The following IFT57 variants were observed in gnomAD, a reference collection of about 807,000 sequenced individuals.
The protein encoded by IFT57 is intraflagellar transport 57.
A neutral mutation model predicts 56.8 loss-of-function variants in IFT57; 59 were observed. The observed-to-expected ratio is 1.04, with a 90% CI of 0.84 to 1.29. The LOEUF (loss-of-function observed/expected upper bound fraction) is 1.29. Among genes scored for constraint, IFT57 ranks in the 50% most tolerant of loss-of-function variants. The probability of loss-of-function intolerance (pLI) is 0.00; values close to 1 mark genes in which losing one functional copy is unlikely to be tolerated. For synonymous variants in IFT57, 209 were observed against 186.1 expected (o/e 1.12, Z -1.00); for missense variants, 470 against 522.1 (o/e 0.90, Z 0.97).
chr3:108,219,000 T>C (rs2080389635), intron 2 of IFT57, among the ~76,000 whole-genome samples: 2 of 152,168 alleles, frequency 1.3e-5, no homozygotes, highest in African/African-American at 4.8e-5. Flanking sequence ...ATAACATTTG[T>C]GCCAAAAATA....
intron 5 of IFT57, among the ~76,000 whole-genome samples, chr3:108,194,920 T>C (rs2080235509): frequency 6.6e-6 from 1 of 152,132 alleles, no homozygotes; most frequent in African/African-American, 2.4e-5. Context: ...CAAAGATTTC[T>C]TAAGTAAGAC....
chr3:108,216,656 T>C (rs1204480034), intron 3 of IFT57, among the ~76,000 whole-genome samples: 1 of 152,188 alleles, frequency 6.6e-6, no homozygotes, highest in Non-Finnish European at 1.5e-5. Context: ...GTAATCGGTA[T>C]GTTAGAGATA....
At chr3:108,167,093 G>GT in intron 7 of IFT57, 108 bp from the exon 8 acceptor site, 3 of 952,390 alleles carry the variant, frequency 3.1e-6, no homozygotes, top group Non-Finnish European at 4.6e-6. Flanking sequence ...TCAACTACAT[G>GT]TGCAAAAGAA....
intron 9 of IFT57, among the ~76,000 whole-genome samples, chr3:108,164,963 T>A (rs1174867553): frequency 6.6e-6 from 1 of 152,034 alleles, no homozygotes; most frequent in Non-Finnish European, 1.5e-5. Flanking sequence ...ACTATTTATT[T>A]TTATGCAAAT....
intron 8 of IFT57, among the ~76,000 whole-genome samples, chr3:108,166,334 T>C (rs1407698728): frequency 6.6e-6 from 1 of 152,030 alleles, no homozygotes; most frequent in Non-Finnish European, 1.5e-5. Context: ...GTGATTTTAT[T>C]TTTTGGTTAA....
chr3:108,193,600 G>A (rs781511690), intron 5 of IFT57, among the ~76,000 whole-genome samples: 3 of 152,120 alleles, frequency 2.0e-5, no homozygotes, highest in Non-Finnish European at 4.4e-5. Context: ...GTATTATTCT[G>A]AGTACTTAAT....
Position 108,177,617 on chromosome 3 carries a change from T to C in IFT57, c.778-9753A>G, listed in dbSNP as rs186167148. On this transcript the variant is annotated intron_variant, in intron 6 of 10. Coordinates refer to ENST00000264538, the MANE Select transcript of IFT57 (RefSeq NM_018010.4). ...GGACAGGAGACAAATTGTATAACCA[T>C]TTCAAGAGATGAAGAAAAAAAAATT... Among the ~76,000 whole-genome samples the C allele has an allele frequency of 2.0e-5, 3 of 151,370 alleles. No homozygotes were observed. The East Asian group carries it at 5.8e-4, about 29-fold the overall frequency.
chr3:108,186,270 G>T (rs1331569086), intron 6 of IFT57, among the ~76,000 whole-genome samples: 1 of 146,940 alleles, frequency 6.8e-6, no homozygotes, highest in East Asian at 2.0e-4. Context: ...GACTTCACAG[G>T]ATTTATGACA....
chr3:108,209,369 T>C (rs1008753247), intron 4 of IFT57, among the ~76,000 whole-genome samples: 1 of 152,250 alleles, frequency 6.6e-6, no homozygotes, highest in Non-Finnish European at 1.5e-5. Context: ...ATCTGTTGTA[T>C]GCAGAGCAGT....
chr3:108,170,660 T>G (rs2080087592), intron 6 of IFT57, among the ~76,000 whole-genome samples: 1 of 125,078 alleles, frequency 8.0e-6, no homozygotes, highest in Admixed American at 8.3e-5. Flanking sequence ...TTAAATTTCA[T>G]GTGGAACCAA....
rs767270528 is a variant in IFT57, at chr3:108,222,124, TC to T, written c.198del (p.Lys67ArgfsTer28). On this transcript the variant is annotated frameshift_variant, in exon 1 of 11. Coordinates refer to ENST00000264538, the MANE Select transcript of IFT57 (RefSeq NM_018010.4). LOFTEE classifies it high-confidence loss of function. ...GCCGGCACCCACCTGGACGGGGCCT[TC>T]AGGTTGCTCTTCCGGAGGAACTCCT... ...YEEEFLRKSNLKAPSRHYFAL... is the reference protein window; with the variant it reads ...YEEEFLRKSNXKAPSRHYFAL... 6.2e-7 allele frequency: 1 copy of T among 1,606,034 alleles called. No individual in the cohort carries two copies. Among genetic ancestry groups the T allele is most frequent in the South Asian group, 1.1e-5 (1 of 89,928 alleles).
chr3:108,193,080 A>G (rs1190009329), intron 5 of IFT57, among the ~76,000 whole-genome samples: 1 of 152,244 alleles, frequency 6.6e-6, no homozygotes, highest in African/African-American at 2.4e-5. Flanking sequence ...ATTTAAAAAC[A>G]AAAACTAGGT....
At chr3:108,195,860 G>T (rs1179019178) in intron 5 of IFT57, among the ~76,000 whole-genome samples, 1 of 151,900 alleles carries the variant, frequency 6.6e-6, no homozygotes, top group Non-Finnish European at 1.5e-5. Context: ...ATGGTTATTG[G>T]GTATGAAAAT....
At chr3:108,215,687 A>G (rs1291643430) in intron 3 of IFT57, among the ~76,000 whole-genome samples, 1 of 152,204 alleles carries the variant, frequency 6.6e-6, no homozygotes, top group Non-Finnish European at 1.5e-5. Flanking sequence ...CTCAAAGGCA[A>G]TGTTCTTCTA....
chr3:108,172,574 A>T (rs1198505332), intron 6 of IFT57, among the ~76,000 whole-genome samples: 1 of 151,880 alleles, frequency 6.6e-6, no homozygotes, highest in Non-Finnish European at 1.5e-5. Flanking sequence ...AGTCCACATG[A>T]TATAGATTAG....
chr3:108,162,660 A>C lies in IFT57; in HGVS notation c.1112-5T>G, dbSNP rs1173295254. Reference sequence around the variant, plus strand: ...GTTTAATCTTCACCAAAGGAGCTGCAGAATGAAAATAACATGAAATAAAAA... The same window carrying C: ...GTTTAATCTTCACCAAAGGAGCTGCCGAATGAAAATAACATGAAATAAAAA... On this transcript the variant is annotated splice_region_variant and splice_polypyrimidine_tract_variant and intron_variant, in intron 10 of 10. Transcript: ENST00000264538. The C allele has an allele frequency of 1.3e-6, 2 of 1,581,212 alleles. No individual in the cohort carries two copies. Among genetic ancestry groups the C allele is most frequent in the South Asian group, 1.2e-5 (1 of 86,724 alleles).
chr3:108,204,403 C>G (rs554959389), intron 5 of IFT57, among the ~76,000 whole-genome samples: 1 of 152,230 alleles, frequency 6.6e-6, no homozygotes, highest in South Asian at 2.1e-4. Flanking sequence ...ATGTAGTTTG[C>G]GATGAAAAAT....
chr3:108,167,026 A>C, intron 7 of IFT57, 41 bp from the exon 8 acceptor site: 2 of 1,563,894 alleles, frequency 1.3e-6, no homozygotes, highest in East Asian at 4.6e-5. Flanking sequence ...GAACTCACAA[A>C]CATATTTTTT....
chr3:108,179,520 A>G (rs2080140995), intron 6 of IFT57, among the ~76,000 whole-genome samples: 1 of 151,942 alleles, frequency 6.6e-6, no homozygotes, highest in Non-Finnish European at 1.5e-5. Flanking sequence ...ATAAAAGAAC[A>G]TTATCTGTAT....
Sources: gnomAD v4.1 joint callset for allele counts (sites outside exome capture counted in the v4.1 genomes callset) on GRCh38, gnomAD v4.1.1 for gene constraint, MANE v1.5 for transcripts, NCBI Gene and HGNC (gene_info 2026-07-23, HGNC 2026-07-21) for gene names.